CTNNA3: variants seen among roughly 807,000 people sequenced by gnomAD.
CTNNA3 encodes catenin alpha 3.
A neutral mutation model predicts 95.7 loss-of-function variants in CTNNA3; 76 were observed. The ratio of observed to expected loss-of-function variants is 0.79; its 90% CI spans 0.66 to 0.96. CTNNA3 has a LOEUF of 0.96. Ranked by LOEUF, CTNNA3 falls within the 40% of genes least tolerant of loss-of-function variation. CTNNA3 has a pLI of 0.00. For missense variants in CTNNA3, 1,191 were observed against 1,089.8 expected (o/e 1.09, Z -1.31); for synonymous variants, 431 against 374.4 (o/e 1.15, Z -1.74).
At position 66,829,856 on chromosome 10, in the gene CTNNA3, T is replaced by C. The variant is rs145890917; in HGVS notation, c.1048-54332A>G. 4.2e-3 allele frequency among the ~76,000 whole-genome samples: 598 copies of C among 142,778 alleles called. 3 individuals carry two copies. The highest frequency in any genetic ancestry group is 7.5e-3 in the South Asian group (34 of 4,546). 93.7% of individuals were successfully genotyped at this position (142,778 alleles called of 152,430 possible). A position where few individuals can be genotyped will look rare whatever the true frequency, so the allele number is the denominator to read the frequency against. ...TTTTTAACAAGCTCCCCAGGGGATTTGTTGTTGTTGTTGTTGTTGTTGTTG... is the reference window on the plus strand; with the variant it reads ...TTTTTAACAAGCTCCCCAGGGGATTCGTTGTTGTTGTTGTTGTTGTTGTTG... On this transcript the variant is annotated intron_variant, in intron 7 of 17. Transcript: ENST00000433211.
chr10:66,957,563 C>T (rs940338242), intron 7 of CTNNA3, among the ~76,000 whole-genome samples: 3 of 151,460 alleles, frequency 2.0e-5, no homozygotes, highest in Non-Finnish European at 4.4e-5. Context: ...GGGTCCCAGT[C>T]CCAGCACTGG....
chr10:65,972,907 A>G (rs200661682), intron 16 of CTNNA3, among the ~76,000 whole-genome samples: 10,717 of 98,032 alleles, frequency 0.11, 725 homozygotes, highest in East Asian at 0.28. Context: ...TAAGGGGGAA[A>G]AAAAAAAAAA....
intron 6 of CTNNA3, among the ~76,000 whole-genome samples, chr10:67,213,614 C>A (rs561129791): frequency 6.6e-6 from 1 of 151,682 alleles, no homozygotes; most frequent in African/African-American, 2.4e-5. Context: ...TTAGCTATAT[C>A]GCTCAAGTTT....
intron 6 of CTNNA3, among the ~76,000 whole-genome samples, chr10:67,214,441 ACT>A (rs537645171): frequency 1.4e-3 from 218 of 151,926 alleles, no homozygotes; most frequent in Middle Eastern, 3.5e-3. Context: ...CTAATTATAC[ACT>A]GTGTTTCCAG....
chr10:66,690,375 G>A (rs916836751), intron 9 of CTNNA3, among the ~76,000 whole-genome samples: 3 of 151,418 alleles, frequency 2.0e-5, no homozygotes, highest in African/African-American at 7.3e-5. Context: ...TGCACAATAT[G>A]CAGGTTAGTT....
At chr10:67,073,019 C>T (rs1856550989) in intron 7 of CTNNA3, among the ~76,000 whole-genome samples, 1 of 152,208 alleles carries the variant, frequency 6.6e-6, no homozygotes, top group Non-Finnish European at 1.5e-5. Context: ...ACTTTTCTTA[C>T]TCCCCAAAGA....
chr10:66,664,351 G>T (rs1010120010), intron 9 of CTNNA3, among the ~76,000 whole-genome samples: 1 of 151,976 alleles, frequency 6.6e-6, no homozygotes, highest in African/African-American at 2.4e-5. Context: ...AGCACAGCTT[G>T]AAGACCCTAA....
intron 15 of CTNNA3, among the ~76,000 whole-genome samples, chr10:66,028,128 T>A (rs970248337): frequency 6.6e-6 from 1 of 152,100 alleles, no homozygotes; most frequent in Non-Finnish European, 1.5e-5. Context: ...GAAAAATCAG[T>A]TTTTTAAAAA....
At chr10:67,216,632 CATGAATATGTAAAAAAGTTAAAAA>C (rs2132256468) in intron 6 of CTNNA3, among the ~76,000 whole-genome samples, 1 of 152,130 alleles carries the variant, frequency 6.6e-6, no homozygotes, top group East Asian at 1.9e-4. Context: ...AATGATGATA[CATGAATATGTAAAAAAGTTAAAAA>C]AAGTGAATAT....
chr10:66,150,479 AT>A (rs1029447948), intron 13 of CTNNA3, among the ~76,000 whole-genome samples: 45 of 151,698 alleles, frequency 3.0e-4, no homozygotes, highest in Non-Finnish European at 5.6e-4. Context: ...AAATAGCTTA[AT>A]TTTTTTCTAT....
At chr10:67,335,891 T>G (rs2616698) in intron 5 of CTNNA3, among the ~76,000 whole-genome samples, 108,307 of 150,450 alleles carry the variant, frequency 0.72, 42,599 homozygotes, top group Non-Finnish European at 0.88. Context: ...ATAGTGTTTT[T>G]TTTTTTTTTT....
chr10:66,568,672 G>A (rs1842782820), intron 10 of CTNNA3, among the ~76,000 whole-genome samples: 1 of 151,960 alleles, frequency 6.6e-6, no homozygotes, highest in Non-Finnish European at 1.5e-5. Context: ...CTGTCACAAA[G>A]CTAGGGAGCA....
Position 65,920,619 on chromosome 10 carries a change from T to G in CTNNA3, c.2401-2A>C. 1 of 1,604,296 alleles carries G rather than the reference T, an allele frequency of 6.2e-7. No individual in the cohort carries two copies. The highest frequency in any genetic ancestry group is 8.5e-7 in the Non-Finnish European group (1 of 1,173,604). On this transcript the variant is annotated splice_acceptor_variant, in intron 17 of 17. Transcript: ENST00000433211. LOFTEE classifies it high-confidence loss of function. ...GATCAGGGATGTGACACTGTCCAACTGTAGGGAAAAAAGAGAAAAAAGAGC... is the reference window on the plus strand; with the variant it reads ...GATCAGGGATGTGACACTGTCCAACGGTAGGGAAAAAAGAGAAAAAAGAGC...
chr10:65,940,395 A>T (rs992491820), intron 17 of CTNNA3, among the ~76,000 whole-genome samples: 1 of 152,202 alleles, frequency 6.6e-6, no homozygotes, highest in Non-Finnish European at 1.5e-5. Flanking sequence ...ACTTACTCCA[A>T]CATAACAGAA....
At chr10:66,201,777 C>CTTTTTCT (rs1564759425) in intron 13 of CTNNA3, among the ~76,000 whole-genome samples, 5 of 98,610 alleles carry the variant, frequency 5.1e-5, no homozygotes, top group Non-Finnish European at 6.3e-5. Context: ...TGTCTTTTTA[C>CTTTTTCT]TTTTTCTTTT....
At chr10:67,556,099 A>T (rs1014703307) in intron 3 of CTNNA3, among the ~76,000 whole-genome samples, 1 of 152,152 alleles carries the variant, frequency 6.6e-6, no homozygotes, top group Non-Finnish European at 1.5e-5. Flanking sequence ...TCCCAGGGAT[A>T]AAGCCCACTT....
At chr10:66,933,275 T>C (rs1311704065) in intron 7 of CTNNA3, among the ~76,000 whole-genome samples, 2 of 152,226 alleles carry the variant, frequency 1.3e-5, no homozygotes, top group Non-Finnish European at 2.9e-5. Flanking sequence ...TTCCACCTCA[T>C]GTTATCTAAG....
intron 2 of CTNNA3, among the ~76,000 whole-genome samples, chr10:67,625,901 A>G (rs1430331162): frequency 1.3e-5 from 2 of 152,274 alleles, no homozygotes; most frequent in East Asian, 3.9e-4. Flanking sequence ...AATTAGTTTG[A>G]GGGTCAGGCA....
At chr10:66,403,279 C>T (rs2093033679) in intron 11 of CTNNA3, among the ~76,000 whole-genome samples, 1 of 152,138 alleles carries the variant, frequency 6.6e-6, no homozygotes, top group African/African-American at 2.4e-5. Context: ...CTTTCTATCA[C>T]TATCCTGGTG....
Sources: gnomAD v4.1 joint callset for allele counts (sites outside exome capture counted in the v4.1 genomes callset) on GRCh38, gnomAD v4.1.1 for gene constraint, MANE v1.5 for transcripts, NCBI Gene and HGNC (gene_info 2026-07-23, HGNC 2026-07-21) for gene names.